Variants in HIVEP3 observed in about 807,000 individuals in gnomAD.
HIVEP3 encodes transcription factor HIVEP3.
Under a neutral mutation model 152.8 loss-of-function variants are expected in HIVEP3, and 49 were observed. The observed-to-expected ratio is 0.32, with a 90% CI of 0.26 to 0.41. The LOEUF (loss-of-function observed/expected upper bound fraction) is 0.41, where lower values mean the gene tolerates loss of function less well. HIVEP3 is among the 10% of genes least tolerant of loss of function. The probability of loss-of-function intolerance (pLI) is 1.00; values close to 1 mark genes in which losing one functional copy is unlikely to be tolerated. For missense variants in HIVEP3, 2,790 were observed against 3,103.3 expected (o/e 0.90, Z 2.40); for synonymous variants, 1,269 against 1,289.0 (o/e 0.98, Z 0.33).
intron 1 of HIVEP3, among the ~76,000 whole-genome samples, chr1:41,751,838 T>A (rs1570459753): frequency 6.6e-6 from 1 of 152,090 alleles, no homozygotes; most frequent in African/African-American, 2.4e-5. Flanking sequence ...ACACAGATGG[T>A]ATCATACTCA....
At chr1:41,792,582 C>T (rs1649763811) in intron 1 of HIVEP3, among the ~76,000 whole-genome samples, 1 of 152,198 alleles carries the variant, frequency 6.6e-6, no homozygotes, top group Non-Finnish European at 1.5e-5. Context: ...GAAACCTGCC[C>T]TCCCCACAGC....
intron 1 of HIVEP3, among the ~76,000 whole-genome samples, chr1:41,741,983 T>C (rs982142): frequency 0.53 from 80,584 of 152,188 alleles, 24,244 homozygotes; most frequent in African/African-American, 0.82. Flanking sequence ...AAATGAAATG[T>C]TTTCCTATTC....
At chr1:42,032,395 C>A (rs906768833) in intron 1 of HIVEP3, among the ~76,000 whole-genome samples, 2 of 152,182 alleles carry the variant, frequency 1.3e-5, no homozygotes, top group African/African-American at 4.8e-5. Context: ...GTTAAATGAG[C>A]CAGTGTCACA....
At chr1:41,527,240 ACCT>A (rs1642997575) in intron 5 of HIVEP3, among the ~76,000 whole-genome samples, 1 of 28,858 alleles carries the variant, frequency 3.5e-5, no homozygotes, top group Non-Finnish European at 7.1e-5. Flanking sequence ...TCACACACTC[ACCT>A]CACACACACA....
chr1:41,920,316 A>C (rs1417327024), upstream of HIVEP3, among the ~76,000 whole-genome samples: 1 of 152,142 alleles, frequency 6.6e-6, no homozygotes, highest in Non-Finnish European at 1.5e-5. Flanking sequence ...GACAAGGCAC[A>C]GACCTACCAC....
chr1:41,639,435 G>A (rs1376115210), intron 2 of HIVEP3, among the ~76,000 whole-genome samples: 1 of 152,202 alleles, frequency 6.6e-6, no homozygotes, highest in Non-Finnish European at 1.5e-5. Flanking sequence ...AGTCAGAAGT[G>A]AAGACTCTCA....
At chr1:41,706,788 T>C (rs1438573802) in intron 1 of HIVEP3, among the ~76,000 whole-genome samples, 1 of 152,176 alleles carries the variant, frequency 6.6e-6, no homozygotes, top group Non-Finnish European at 1.5e-5. Flanking sequence ...AGCAACACAA[T>C]GGACAACTTT....
intron 3 of HIVEP3, among the ~76,000 whole-genome samples, chr1:41,597,829 T>C (rs1644688410): frequency 6.6e-6 from 1 of 152,196 alleles, no homozygotes; most frequent in Non-Finnish European, 1.5e-5. Flanking sequence ...CTTGCTTCCA[T>C]TGAGACCAAA....
Position 41,507,883 on chromosome 1 carries a change from G to A in HIVEP3, c.*2568C>T, listed in dbSNP as rs1257875433. 6.6e-6 allele frequency: 1 copy of A among 152,334 alleles called. No individual in the cohort carries two copies. Among genetic ancestry groups the A allele is most frequent in the Non-Finnish European group, 1.5e-5 (1 of 68,130 alleles). The allele number at this position is 152,334 out of a possible 1,614,324, so 9.4% of individuals were successfully genotyped here. On this transcript the variant is annotated 3_prime_UTR_variant, in exon 9 of 9. Coordinates refer to ENST00000372583, the MANE Select transcript of HIVEP3 (RefSeq NM_024503.5). ...CTGTCCCTCTGGGCACGGCATCAAT[G>A]TGGAGGCAGCCCTTTGGTGAGATTC...
chr1:41,653,460 A>AT (rs1042526577), intron 2 of HIVEP3, among the ~76,000 whole-genome samples: 1 of 152,004 alleles, frequency 6.6e-6, no homozygotes, highest in Non-Finnish European at 1.5e-5. Context: ...TTGGACTTTC[A>AT]TTTTCTCCCT....
chr1:41,934,717 G>A (rs1345893827), intron 1 of HIVEP3, among the ~76,000 whole-genome samples: 2 of 152,020 alleles, frequency 1.3e-5, no homozygotes, highest in Non-Finnish European at 2.9e-5. Context: ...TAAGATATAC[G>A]GGGAAAATCC....
chr1:41,922,413 AG>A (rs1644946086), upstream of HIVEP3, among the ~76,000 whole-genome samples: 1 of 152,208 alleles, frequency 6.6e-6, no homozygotes, highest in African/African-American at 2.4e-5. Flanking sequence ...TGAAAAAGAA[AG>A]GTATGTTCAA....
chr1:41,916,200 C>A (rs1644868560), intron 1 of HIVEP3, among the ~76,000 whole-genome samples: 1 of 152,186 alleles, frequency 6.6e-6, no homozygotes. Flanking sequence ...AGGCAGCACA[C>A]ACTTCTCCAC....
intron 1 of HIVEP3, among the ~76,000 whole-genome samples, chr1:41,950,235 G>A (rs961239912): frequency 5.3e-5 from 8 of 152,176 alleles, no homozygotes; most frequent in South Asian, 2.1e-4. Context: ...CATTCCAGCC[G>A]GCAATGGCTA....
chr1:41,874,839 A>C (rs905403147), intron 1 of HIVEP3, among the ~76,000 whole-genome samples: 1 of 152,190 alleles, frequency 6.6e-6, no homozygotes, highest in Non-Finnish European at 1.5e-5. Flanking sequence ...TCTCCTCCCC[A>C]GCTACCTTTC....
In HIVEP3 at chr1:41,601,234, GT is replaced by G. The variant is rs373276228; in HGVS notation, c.-521-15917del. Among the ~76,000 whole-genome samples the G allele has an allele frequency of 2.6e-4, 40 of 152,162 alleles. No homozygotes were observed. In the East Asian group the frequency reaches 5.8e-3, roughly 22 times the overall value. ...TCAGAGGATTGATTTGGCTATTTGTGTTTTTTGTGGTTCCATATAAATCACA... is the reference window on the plus strand; with the variant it reads ...TCAGAGGATTGATTTGGCTATTTGTGTTTTTGTGGTTCCATATAAATCACA... On this transcript the variant is annotated intron_variant, in intron 3 of 8. Coordinates refer to ENST00000372583, the MANE Select transcript of HIVEP3 (RefSeq NM_024503.5).
intron 2 of HIVEP3, among the ~76,000 whole-genome samples, chr1:41,683,810 A>T (rs140925625): frequency 1.3e-5 from 2 of 152,312 alleles, no homozygotes; most frequent in East Asian, 3.9e-4. Flanking sequence ...ACCTGGAGGC[A>T]GCCCTCTGTG....
intron 1 of HIVEP3, among the ~76,000 whole-genome samples, chr1:41,810,099 A>C (rs1278023362): frequency 6.6e-6 from 1 of 152,154 alleles, no homozygotes; most frequent in Non-Finnish European, 1.5e-5. Flanking sequence ...GCCACAACAA[A>C]CATTTCAAAG....
intron 1 of HIVEP3, among the ~76,000 whole-genome samples, chr1:41,997,938 G>A (rs1414329670): frequency 2.0e-5 from 3 of 152,182 alleles, no homozygotes; most frequent in African/African-American, 7.2e-5. Context: ...TGGTTAAGCT[G>A]CAGTGTTAAA....
Sources: gnomAD v4.1 joint callset for allele counts (sites outside exome capture counted in the v4.1 genomes callset) on GRCh38, gnomAD v4.1.1 for gene constraint, MANE v1.5 for transcripts, NCBI Gene and HGNC (gene_info 2026-07-23, HGNC 2026-07-21) for gene names.